The following CACNA1E variants were observed in gnomAD, a reference collection of about 807,000 sequenced individuals.
The protein encoded by CACNA1E is calcium voltage-gated channel subunit alpha1 E.
A neutral mutation model predicts 259.2 loss-of-function variants in CACNA1E; 40 were observed. The observed-to-expected ratio is 0.15, with a 90% CI of 0.12 to 0.20. CACNA1E has a LOEUF of 0.20. Among genes scored for constraint, CACNA1E ranks in the 10% least tolerant of loss-of-function variants. The probability of loss-of-function intolerance (pLI) is 1.00; values close to 1 mark genes in which losing one functional copy is unlikely to be tolerated. For synonymous variants in CACNA1E, 1,104 were observed against 1,138.5 expected, an observed-to-expected ratio of 0.97 and a Z score of 0.61; for missense variants, 1,874 against 3,040.1, an observed-to-expected ratio of 0.62 and a Z score of 9.02.
intron 1 of CACNA1E, among the ~76,000 whole-genome samples, chr1:181,487,023 AT>A (rs113857890): frequency 0.18 from 25,383 of 144,998 alleles, 2,166 homozygotes; most frequent in Admixed American, 0.26. Flanking sequence ...TAAGTGCCAG[AT>A]TTTTTTTTTT....
intron 7 of CACNA1E, among the ~76,000 whole-genome samples, chr1:181,695,692 G>C (rs1430849863): frequency 1.3e-5 from 2 of 152,200 alleles, no homozygotes; most frequent in African/African-American, 4.8e-5. Flanking sequence ...GCTGGGTGTG[G>C]TGGCTCATGC....
intron 1 of CACNA1E, among the ~76,000 whole-genome samples, chr1:181,384,089 G>A (rs2102007891): frequency 6.6e-6 from 1 of 152,294 alleles, no homozygotes; most frequent in South Asian, 2.1e-4. Context: ...GCCCTACGTG[G>A]GTATGGCTGC....
At chr1:181,349,806 A>G (rs1025993977) in intron 1 of CACNA1E, among the ~76,000 whole-genome samples, 24 of 152,068 alleles carry the variant, frequency 1.6e-4, no homozygotes, top group Non-Finnish European at 2.6e-4. Flanking sequence ...ATTGTGGACA[A>G]GCCTCCAAGA....
chr1:181,589,169 C>T (rs1652384360), intron 6 of CACNA1E, among the ~76,000 whole-genome samples: 1 of 152,214 alleles, frequency 6.6e-6, no homozygotes, highest in Non-Finnish European at 1.5e-5. Context: ...GTATTTTCAG[C>T]AAGCTCCCAT....
At position 181,504,286 on chromosome 1, in the gene CACNA1E, A is replaced by G. The variant is rs1015506748; in HGVS notation, c.267-6191A>G. Among the ~76,000 whole-genome samples, 15 of 152,270 alleles carry G rather than the reference A, an allele frequency of 9.9e-5. No homozygotes were observed. The East Asian group carries it at 2.9e-3, about 29-fold the overall frequency. ...ACTGTGGACTCTTCTATACCCCCCCAGGAGTTTCCAGGAAGTGCCTGAGTG... is the reference window on the plus strand; with the variant it reads ...ACTGTGGACTCTTCTATACCCCCCCGGGAGTTTCCAGGAAGTGCCTGAGTG... On this transcript the variant is annotated intron_variant, in intron 1 of 47. Coordinates refer to ENST00000367573, the MANE Select transcript of CACNA1E (RefSeq NM_001205293.3).
intron 2 of CACNA1E, among the ~76,000 whole-genome samples, chr1:181,443,569 A>C (rs896532121): frequency 2.0e-5 from 3 of 152,268 alleles, no homozygotes; most frequent in African/African-American, 7.2e-5. Flanking sequence ...GGAGGCAGAT[A>C]GCCTGCTGCA....
chr1:181,697,125 C>T (rs991618008), intron 7 of CACNA1E, among the ~76,000 whole-genome samples: 2 of 151,960 alleles, frequency 1.3e-5, no homozygotes, highest in Non-Finnish European at 2.9e-5. Context: ...GAAGAGAATA[C>T]AGAAGGGGAA....
chr1:181,558,016 T>A (rs148116328), intron 3 of CACNA1E, among the ~76,000 whole-genome samples: 1 of 152,316 alleles, frequency 6.6e-6, no homozygotes, highest in Non-Finnish European at 1.5e-5. Flanking sequence ...TTGTCCAGAA[T>A]AACTAGGGTT....
Position 181,733,650 on chromosome 1 carries a change from C to T in CACNA1E, c.3162C>T (p.Ser1054=), listed in dbSNP as rs1655739505. The part of the protein sequence containing the change: ...RVISQSEPDL[S]CITANTDKAT... ...TCAGCCAGAGCGAGCCTGACCTCTC[C>T]TGCATCACGGCCAACACGGACAAGG... The change falls in exon 21 of 48, where the codon TCC becomes TCT. Residue 1054 remains serine, a synonymous_variant. Transcript: ENST00000367573. 2 of 1,612,762 alleles carry T rather than the reference C, an allele frequency of 1.2e-6. No homozygotes were observed. The highest frequency in any genetic ancestry group is 4.5e-5 in the East Asian group (2 of 44,780).
rs116667125 is a variant in CACNA1E, at chr1:181,731,423, G to A, written c.2297+192G>A. On this transcript the variant is annotated intron_variant, in intron 19 of 47. Coordinates refer to ENST00000367573, the MANE Select transcript of CACNA1E (RefSeq NM_001205293.3). The stretch of plus-strand genomic sequence containing the variant: ...CCTCTCAACATTTGCTTATATCAGC[G>A]TGTGTCTACCTTTGTGAACTGTGTG... 2.3e-3 allele frequency among the ~76,000 whole-genome samples: 357 copies of A among 152,268 alleles called. 1 individual carries two copies. The highest frequency in any genetic ancestry group is 8.4e-3 in the African/African-American group (348 of 41,544).
intron 25 of CACNA1E, among the ~76,000 whole-genome samples, chr1:181,747,004 A>G (rs1657147745): frequency 6.6e-6 from 1 of 152,256 alleles, no homozygotes; most frequent in African/African-American, 2.4e-5. Flanking sequence ...CTATAGTGCC[A>G]AGGACTTAGT....
At chr1:181,417,534 A>G (rs1362105119) in intron 2 of CACNA1E, among the ~76,000 whole-genome samples, 1 of 152,148 alleles carries the variant, frequency 6.6e-6, no homozygotes, top group Non-Finnish European at 1.5e-5. Context: ...CTTCATGTAC[A>G]TATGGGCAGG....
chr1:181,732,282 G>T lies in CACNA1E; in HGVS notation c.2298-102G>T. On this transcript the variant is annotated intron_variant, in intron 19 of 47. Transcript: ENST00000367573. This position sits in a 1 kb window ranked among gnomAD's most constrained non-coding sequence, Gnocchi z 5.5. ...CTGCAGGTCCTGGGCACTCCCATTT[G>T]CCCCCACCATGTGTCCTGCCCTCTC... 1 of 1,414,632 alleles carries T rather than the reference G, an allele frequency of 7.1e-7. No individual in the cohort carries two copies. Among genetic ancestry groups the T allele is most frequent in the Non-Finnish European group, 9.2e-7 (1 of 1,087,756 alleles). 87.6% of individuals were successfully genotyped at this position (1,414,632 alleles called of 1,614,324 possible).
chr1:181,709,768 C>T (rs1304978317), intron 7 of CACNA1E, among the ~76,000 whole-genome samples: 2 of 152,298 alleles, frequency 1.3e-5, no homozygotes, highest in East Asian at 3.9e-4. Context: ...GCTGGGATTA[C>T]AGGCATGAGC....
chr1:181,795,286 A>G (rs1661690972), intron 46 of CACNA1E, among the ~76,000 whole-genome samples: 1 of 152,192 alleles, frequency 6.6e-6, no homozygotes. Context: ...GCAGGGCTAT[A>G]CAAATCATTA....
chr1:181,719,798 T>C lies in CACNA1E; in HGVS notation c.1686T>C (p.Pro562=). The change falls in exon 13 of 48, where the codon CCT becomes CCC. Residue 562 remains proline, a synonymous_variant. Transcript: ENST00000367573. ...IFEVVWAIFR[P]GTSFGISVLR... ...AAGTGGTCTGGGCAATCTTCAGACC[T>C]GGTACGTCTTTTGGAATCAGTGTCT... 1 of 1,605,690 alleles carries C rather than the reference T, an allele frequency of 6.2e-7. No individual in the cohort carries two copies. The highest frequency in any genetic ancestry group is 8.5e-7 in the Non-Finnish European group (1 of 1,176,040).
At chr1:181,528,329 C>T (rs1447838864) in intron 3 of CACNA1E, among the ~76,000 whole-genome samples, 3 of 146,716 alleles carry the variant, frequency 2.0e-5, no homozygotes, top group Non-Finnish European at 4.5e-5. Context: ...TCTGAGGCCT[C>T]CCCAGCCAAG....
intron 6 of CACNA1E, among the ~76,000 whole-genome samples, chr1:181,621,460 T>G (rs577113792): frequency 6.6e-6 from 1 of 152,314 alleles, no homozygotes; most frequent in African/African-American, 2.4e-5. Context: ...GACTGTACAT[T>G]CACCAATTAG....
chr1:181,465,840 G>A (rs1268443075), intron 2 of CACNA1E, among the ~76,000 whole-genome samples: 2 of 151,960 alleles, frequency 1.3e-5, no homozygotes, highest in African/African-American at 2.4e-5. Flanking sequence ...CAAAAATTTT[G>A]ATTACAAGTC....
Sources: allele counts gnomAD v4.1 joint callset (sites outside exome capture counted in the v4.1 genomes callset), GRCh38; gene constraint gnomAD v4.1.1; non-coding constraint Gnocchi (gnomAD v3.1); transcripts MANE v1.5; gene names NCBI Gene and HGNC (gene_info 2026-07-23, HGNC 2026-07-21).